Variants in CCDC30 observed in about 807,000 individuals in gnomAD.
CCDC30 encodes coiled-coil domain-containing protein 30.
A neutral mutation model predicts 100.2 loss-of-function variants in CCDC30; 70 were observed. The observed-to-expected ratio is 0.70, with a 90% CI of 0.58 to 0.85. The LOEUF is 0.85. Among genes scored for constraint, CCDC30 ranks in the 40% least tolerant of loss-of-function variants. The probability of loss-of-function intolerance (pLI) is 0.00; values close to 1 mark genes in which losing one functional copy is unlikely to be tolerated. For synonymous variants in CCDC30, 233 were observed against 269.5 expected (o/e 0.86, Z 1.33); for missense variants, 652 against 771.2 (o/e 0.85, Z 1.83).
At chr1:42,541,313 C>A (rs1192699076) in intron 6 of CCDC30, among the ~76,000 whole-genome samples, 1 of 152,232 alleles carries the variant, frequency 6.6e-6, no homozygotes, top group Non-Finnish European at 1.5e-5. Context: ...GAGGGCTGCA[C>A]CCTTGTGCAT....
At chr1:42,497,307 CT>C in intron 5 of CCDC30, 94 bp downstream of exon 5, 1 of 689,932 alleles carries the variant, frequency 1.4e-6, no homozygotes, top group Non-Finnish European at 2.0e-6. Context: ...GTAAGTTGGT[CT>C]TTAGCAGGGA....
chr1:42,611,934 C>T (rs1646634143), intron 11 of CCDC30, among the ~76,000 whole-genome samples: 2 of 152,116 alleles, frequency 1.3e-5, no homozygotes, highest in Non-Finnish European at 1.5e-5. Flanking sequence ...GGATTATAGG[C>T]AGGCATAAGC....
At chr1:42,630,396 T>C (rs1647014892) in intron 11 of CCDC30, among the ~76,000 whole-genome samples, 1 of 151,960 alleles carries the variant, frequency 6.6e-6, no homozygotes. Context: ...TTTCTTTTTT[T>C]TTTTCAGATG....
At chr1:42,561,437 G>A (rs571773921) in intron 6 of CCDC30, among the ~76,000 whole-genome samples, 50 of 152,080 alleles carry the variant, frequency 3.3e-4, no homozygotes, top group Non-Finnish European at 6.5e-4. Context: ...AATAACCTAG[G>A]TATTGATGGA....
chr1:42,509,836 A>G, intron 6 of CCDC30, among the ~76,000 whole-genome samples: 1 of 152,234 alleles, frequency 6.6e-6, no homozygotes, highest in East Asian at 1.9e-4. Flanking sequence ...TCATTTTACC[A>G]GTTTGCACAG....
chr1:42,548,238 C>T (rs536038421), intron 6 of CCDC30, among the ~76,000 whole-genome samples: 2 of 152,176 alleles, frequency 1.3e-5, no homozygotes, highest in East Asian at 1.9e-4. Context: ...TGTTTGGTAG[C>T]GTGGAGGATA....
At chr1:42,521,614 CT>C (rs1644648451) in intron 6 of CCDC30, among the ~76,000 whole-genome samples, 1 of 152,032 alleles carries the variant, frequency 6.6e-6, no homozygotes, top group African/African-American at 2.4e-5. Context: ...TCCTTACCTA[CT>C]TTTGGTCTGG....
chr1:42,549,577 G>A (rs1188357214), intron 6 of CCDC30, among the ~76,000 whole-genome samples: 5 of 150,252 alleles, frequency 3.3e-5, no homozygotes, highest in Admixed American at 6.6e-5. Context: ...CTCTCTATAT[G>A]TATAACATGA....
At chr1:42,482,846 G>C in intron 3 of CCDC30, 30 bp downstream of exon 3, 1 of 1,221,854 alleles carries the variant, frequency 8.2e-7, no homozygotes, top group Non-Finnish European at 1.0e-6. Flanking sequence ...GACCATTTCC[G>C]ATCATGCTTT....
At chr1:42,621,901 C>G (rs1646844471) in intron 11 of CCDC30, among the ~76,000 whole-genome samples, 2 of 152,170 alleles carry the variant, frequency 1.3e-5, no homozygotes. Context: ...CCTGCCTCAG[C>G]CTCCCAAAGT....
intron 1 of CCDC30, among the ~76,000 whole-genome samples, chr1:42,468,316 G>A (rs1200691003): frequency 1.3e-5 from 2 of 152,214 alleles, no homozygotes; most frequent in African/African-American, 4.8e-5. Flanking sequence ...CATGGCATGT[G>A]GTTTCCAGCT....
intron 6 of CCDC30, among the ~76,000 whole-genome samples, chr1:42,522,153 G>C (rs574207365): frequency 6.6e-6 from 1 of 151,870 alleles, no homozygotes; most frequent in South Asian, 2.1e-4. Context: ...TAGTTGTTAT[G>C]CTGTATCATT....
At chr1:42,509,183 C>A (rs1191418800) in intron 6 of CCDC30, among the ~76,000 whole-genome samples, 1 of 152,120 alleles carries the variant, frequency 6.6e-6, no homozygotes, top group Non-Finnish European at 1.5e-5. Context: ...TGCTTCCAGC[C>A]CCAAAGCTGC....
exon 14 of CCDC30, chr1:42,644,763 T>A: frequency 6.2e-7 from 1 of 1,613,632 alleles, no homozygotes; most frequent in South Asian, 1.1e-5. Flanking sequence ...GCAGATTGGC[T>A]TCTTAGAGCG....
At chr1:42,494,648 C>G (rs1312153857) in intron 4 of CCDC30, among the ~76,000 whole-genome samples, 2 of 149,166 alleles carry the variant, frequency 1.3e-5, no homozygotes, top group Non-Finnish European at 3.0e-5. Context: ...TGAACTCAAA[C>G]AAATTTACAA....
chr1:42,653,007 C>T (rs1648484677), intron 15 of CCDC30, among the ~76,000 whole-genome samples: 1 of 151,942 alleles, frequency 6.6e-6, no homozygotes, highest in Non-Finnish European at 1.5e-5. Context: ...GAATTGAACC[C>T]GTTAAAAGGG....
chr1:42,569,407 C>G (rs1645683527), intron 7 of CCDC30, among the ~76,000 whole-genome samples: 2 of 152,138 alleles, frequency 1.3e-5, no homozygotes. Context: ...TAGAGAAATG[C>G]AAATCAAAAC....
intron 6 of CCDC30, among the ~76,000 whole-genome samples, chr1:42,503,745 G>C (rs1644355711): frequency 6.6e-6 from 1 of 152,116 alleles, no homozygotes; most frequent in African/African-American, 2.4e-5. Flanking sequence ...TGATTTGGGG[G>C]CTGCTTTTCA....
intron 12 of CCDC30, among the ~76,000 whole-genome samples, chr1:42,640,551 G>A (rs1283497387): frequency 2.6e-5 from 4 of 152,096 alleles, no homozygotes; most frequent in South Asian, 4.1e-4. Context: ...TTAAAATCTG[G>A]AATAGCTTTT....
Sources: gnomAD v4.1 joint callset for allele counts (sites outside exome capture counted in the v4.1 genomes callset) on GRCh38, gnomAD v4.1.1 for gene constraint, MANE v1.5 for transcripts, NCBI Gene and HGNC (gene_info 2026-07-23, HGNC 2026-07-21) for gene names.